Variants in PAPOLA observed in about 807,000 individuals in gnomAD.
PAPOLA encodes poly(A) polymerase alpha, also known as polynucleotide adenylyltransferase alpha.
Under a neutral mutation model 100.6 loss-of-function variants are expected in PAPOLA, and 15 were observed. That is an observed-to-expected ratio of 0.15 (90% CI 0.10 to 0.23). The LOEUF (loss-of-function observed/expected upper bound fraction) is 0.23. PAPOLA is among the 10% of genes least tolerant of loss of function. PAPOLA has a pLI of 1.00. For synonymous variants in PAPOLA, 293 were observed against 300.0 expected, an observed-to-expected ratio of 0.98 and a Z score of 0.24; for missense variants, 533 against 884.2, an observed-to-expected ratio of 0.60 and a Z score of 5.04.
At chr14:96,518,554 C>T (rs901899349) in intron 1 of PAPOLA, among the ~76,000 whole-genome samples, 16 of 151,622 alleles carry the variant, frequency 1.1e-4, no homozygotes, top group Admixed American at 3.3e-4. Flanking sequence ...GGACTACAGG[C>T]GCCCGCCACT....
At chr14:96,509,993 G>C (rs1241608781) in intron 1 of PAPOLA, among the ~76,000 whole-genome samples, 1 of 87,420 alleles carries the variant, frequency 1.1e-5, no homozygotes, top group African/African-American at 5.3e-5. Context: ...TTTAATCTTT[G>C]GATTGTATGT....
chr14:96,536,887 TAGTG>T (rs1280240422), intron 11 of PAPOLA, 85 bp from the exon 12 acceptor site: 84 of 744,122 alleles, frequency 1.1e-4, no homozygotes, highest in Non-Finnish European at 1.6e-4. Context: ...TTTAGGATTA[TAGTG>T]AGTGCATGTA....
rs1268809007 is a variant in PAPOLA, at chr14:96,542,840, A to T, written c.1236A>T (p.Thr412=). Residue 412 remains threonine, a synonymous_variant, in exon 14 of 22, where the codon ACA becomes ACT. Transcript: ENST00000216277. ...GCTTGGAGAAGAATGAATTTATTAC[A>T]CTGGCTCATGTGAATCCCCAGTCAT... ...VGSLEKNEFI[T]LAHVNPQSFP... 1.2e-6 allele frequency: 2 copies of T among 1,612,980 alleles called. No individual in the cohort carries two copies. Among genetic ancestry groups the T allele is most frequent in the Middle Eastern group, 1.7e-4 (1 of 6,060 alleles).
intron 1 of PAPOLA, chr14:96,504,773 C>T (rs773131855): frequency 1.3e-5 from 2 of 152,148 alleles, no homozygotes; most frequent in Admixed American, 6.6e-5. Flanking sequence ...AATAGGGCTT[C>T]TTCCTCATTA....
At chr14:96,537,086 A>C (rs747420447) in intron 12 of PAPOLA, 26 bp downstream of exon 12, 2 of 1,242,652 alleles carry the variant, frequency 1.6e-6, no homozygotes, top group Non-Finnish European at 2.4e-6. Flanking sequence ...CATGTCGGAC[A>C]TGTTGCTCTC....
At position 96,545,855 on chromosome 14, in the gene PAPOLA, A is replaced by G. The variant is rs1900354457; in HGVS notation, c.1399+1597A>G. On this transcript the variant is annotated intron_variant, in intron 15 of 21. Transcript: ENST00000216277. ...ATTTTTTCCTGAAGTAAAAATTCTG[A>G]TGTTAACTCATTTATGAACTAATAA... Among the ~76,000 whole-genome samples the G allele has an allele frequency of 2.0e-5, 3 of 152,070 alleles. No homozygotes were observed. In the South Asian group the frequency reaches 6.2e-4, roughly 31 times the overall value.
At chr14:96,556,804 G>A (rs1901379700) in intron 19 of PAPOLA, among the ~76,000 whole-genome samples, 1 of 152,176 alleles carries the variant, frequency 6.6e-6, no homozygotes, top group Admixed American at 6.5e-5. Flanking sequence ...GAGTTTTGGA[G>A]TTTCTCTACT....
chr14:96,555,831 A>ATTT lies in PAPOLA; in HGVS notation c.1665-5_1665-3dup, dbSNP rs748715578. On this transcript the variant is annotated splice_polypyrimidine_tract_variant and intron_variant, in intron 17 of 21. Transcript: ENST00000216277. ...TTTTTAAATTTTGAGACAATTTTTAATTTTTTTTTTTTTAGCAGAAACAGT... is the reference window on the plus strand; with the variant it reads ...TTTTTAAATTTTGAGACAATTTTTAATTTTTTTTTTTTTTTTAGCAGAAACAGT... 53 of 1,061,032 alleles carry ATTT rather than the reference A, an allele frequency of 5.0e-5. No homozygotes were observed. Among genetic ancestry groups the ATTT allele is most frequent in the East Asian group, 6.0e-5 (2 of 33,086 alleles). 65.7% of individuals were successfully genotyped at this position (1,061,032 alleles called of 1,614,324 possible). A position where few individuals can be genotyped will look rare whatever the true frequency, so the allele number is the denominator to read the frequency against.
At position 96,565,192 on chromosome 14, in the gene PAPOLA, TCAG is replaced by T; in HGVS notation, c.*145_*147del. 1 of 593,060 alleles carries T rather than the reference TCAG, an allele frequency of 1.7e-6. No individual in the cohort carries two copies. Among genetic ancestry groups the T allele is most frequent in the Non-Finnish European group, 3.1e-6 (1 of 324,210 alleles). The allele number at this position is 593,060 out of a possible 1,614,324, so 36.7% of individuals were successfully genotyped here. The stretch of plus-strand genomic sequence containing the variant: ...TTGGTGACCTCCCTTACTGGGCTAA[TCAG>T]CACTTGATCGGAAGTCCAGGTTAGT... On this transcript the variant is annotated 3_prime_UTR_variant, in exon 22 of 22. Transcript: ENST00000216277.
intron 21 of PAPOLA, among the ~76,000 whole-genome samples, chr14:96,563,509 C>G (rs753724708): frequency 6.6e-5 from 10 of 152,072 alleles, no homozygotes; most frequent in Non-Finnish European, 8.8e-5. Flanking sequence ...ACCCTAACAT[C>G]TAGCTCAAAT....
At chr14:96,555,276 G>A (rs1404710976) in intron 17 of PAPOLA, among the ~76,000 whole-genome samples, 1 of 137,234 alleles carries the variant, frequency 7.3e-6, no homozygotes, top group Non-Finnish European at 1.5e-5. Context: ...AGGGCTCACT[G>A]TGTTGTCCGG....
At chr14:96,510,132 C>T (rs1897011674) in intron 1 of PAPOLA, among the ~76,000 whole-genome samples, 1 of 151,402 alleles carries the variant, frequency 6.6e-6, no homozygotes. Flanking sequence ...ATTTTTATTC[C>T]CTCTATATTT....
At chr14:96,542,987 C>T in intron 14 of PAPOLA, 94 bp downstream of exon 14, 1 of 1,256,288 alleles carries the variant, frequency 8.0e-7, no homozygotes. Flanking sequence ...TATAACTATT[C>T]TGTTGACTAC....
intron 17 of PAPOLA, chr14:96,553,509 C>T (rs986595750): frequency 1.4e-5 from 2 of 141,416 alleles, no homozygotes; most frequent in African/African-American, 2.7e-5. Flanking sequence ...GAGACCCTGT[C>T]TTAAAAAAAA....
At chr14:96,525,798 GT>G (rs1379906671) in intron 4 of PAPOLA, among the ~76,000 whole-genome samples, 7 of 152,118 alleles carry the variant, frequency 4.6e-5, no homozygotes, top group African/African-American at 1.7e-4. Context: ...TTCAGTAGAG[GT>G]AGCCACATTT....
rs1899352597 is a variant in PAPOLA at position 96,534,571 on chromosome 14, T to G, written c.909+8T>G. The G allele has an allele frequency of 6.2e-7, 1 of 1,613,768 alleles. No individual in the cohort carries two copies. The highest frequency in any genetic ancestry group is 1.7e-5 in the Admixed American group (1 of 60,006). ...CCTGTATGGGACCCAAGGGTTAGTG[T>G]ATTATTTTTTCCCCTACCAATTCAC... On this transcript the variant is annotated splice_region_variant and intron_variant, in intron 10 of 21. Transcript: ENST00000216277.
chr14:96,526,723 C>T (rs1566844584), intron 4 of PAPOLA: 2 of 152,536 alleles, frequency 1.3e-5, no homozygotes, highest in Non-Finnish European at 2.9e-5. Context: ...TCTCCCATCA[C>T]TCTGTCCCAT....
At chr14:96,506,738 A>G (rs1456524615) in intron 1 of PAPOLA, among the ~76,000 whole-genome samples, 1 of 152,248 alleles carries the variant, frequency 6.6e-6, no homozygotes, top group Non-Finnish European at 1.5e-5. Flanking sequence ...GACCTGTATA[A>G]TTCAGTGAAC....
intron 18 of PAPOLA, 90 bp downstream of exon 18, chr14:96,556,037 A>C: frequency 8.6e-7 from 1 of 1,167,506 alleles, no homozygotes; most frequent in Non-Finnish European, 1.3e-6. Flanking sequence ...TAAGTAGTTG[A>C]AATTCAGTTT....
Sources: gnomAD v4.1 joint callset for allele counts (sites outside exome capture counted in the v4.1 genomes callset) on GRCh38, gnomAD v4.1.1 for gene constraint, MANE v1.5 for transcripts, NCBI Gene and HGNC (gene_info 2026-07-23, HGNC 2026-07-21) for gene names.